The following CCT2 variants were observed in gnomAD, a reference collection of about 807,000 sequenced individuals.
CCT2 encodes T-complex protein 1 subunit beta.
CCT2 carries 18 observed loss-of-function variants against 61.8 expected under a neutral mutation model. The observed-to-expected ratio is 0.29, with a 90% CI of 0.20 to 0.43. The LOEUF (loss-of-function observed/expected upper bound fraction) is 0.43. Ranked by LOEUF, CCT2 falls within the 20% of genes least tolerant of loss-of-function variation. The pLI is 1.00. For synonymous variants in CCT2, 248 were observed against 215.9 expected, an observed-to-expected ratio of 1.15 and a Z score of -1.30; for missense variants, 556 against 656.9, an observed-to-expected ratio of 0.85 and a Z score of 1.68.
intron 5 of CCT2, 46 bp downstream of exon 5, chr12:69,588,052 A>G (rs1881716259): frequency 1.9e-6 from 3 of 1,545,322 alleles, no homozygotes; most frequent in Non-Finnish European, 8.9e-7. Context: ...GTTTTTGAGT[A>G]TCAGAGGTAA....
At position 69,589,503 on chromosome 12, in the gene CCT2, C is replaced by T; in HGVS notation, c.465C>T (p.Phe155=). The T allele has an allele frequency of 6.2e-7, 1 of 1,613,788 alleles. No homozygotes were observed. Among genetic ancestry groups the T allele is most frequent in the African/African-American group, 1.3e-5 (1 of 74,988 alleles). ...AVDHGSDEVK[F]RQDLMNIAGT... is the part of the protein sequence containing the mutation. ...TATTTAGTTCCGATGAAGTTAAATT[C>T]CGTCAAGATTTAATGAATATTGCGG... The change falls in exon 7 of 16, where the codon TTC becomes TTT. Residue 155 remains phenylalanine (F), a synonymous_variant. Transcript: ENST00000299300.
In CCT2 at chr12:69,601,555, A is replaced by C; in HGVS notation, c.*230A>C. The C allele has an allele frequency of 7.5e-7, 1 of 1,328,790 alleles. No individual in the cohort carries two copies. The highest frequency in any genetic ancestry group is 9.8e-7 in the Non-Finnish European group (1 of 1,025,064). The allele number at this position is 1,328,790 out of a possible 1,614,324, so 82.3% of individuals were successfully genotyped here. The stretch of plus-strand genomic sequence containing the variant: ...ATTTCTCATACTGTGCATTAAAATA[A>C]AAATTTGAACAATTACTTGGTTCTT... On this transcript the variant is annotated 3_prime_UTR_variant, in exon 16 of 16. Transcript: ENST00000299300.
Position 69,585,821 on chromosome 12 carries a change from G to C in CCT2, c.3+297G>C, listed in dbSNP as rs999558723. 2.1e-4 allele frequency: 279 copies of C among 1,340,992 alleles called. 1 individual carries two copies. The highest frequency in any genetic ancestry group is 2.6e-4 in the Non-Finnish European group (268 of 1,045,024). The allele number at this position is 1,340,992 out of a possible 1,614,324, so 83.1% of individuals were successfully genotyped here. On this transcript the variant is annotated intron_variant, in intron 1 of 15. Transcript: ENST00000299300. ...CGAAGAAATTTCTAGTGTGGGACCC[G>C]CTCCGCCCTCCTTCTAGGGGCGGAG...
intron 13 of CCT2, 89 bp downstream of exon 13, chr12:69,598,160 C>G (rs1882045840): frequency 9.4e-7 from 1 of 1,061,026 alleles, no homozygotes. Context: ...GTTAATACTG[C>G]TTTTAAATTT....
intron 15 of CCT2, 96 bp from the exon 16 acceptor site, chr12:69,601,199 A>G (rs963402258): frequency 7.0e-6 from 7 of 1,005,884 alleles, no homozygotes; most frequent in Non-Finnish European, 8.9e-6. Context: ...TAACAGTTTT[A>G]ATACAGGATT....
chr12:69,597,368 T>G, intron 11 of CCT2, 93 bp downstream of exon 11: 1 of 1,426,798 alleles, frequency 7.0e-7, no homozygotes, highest in Non-Finnish European at 9.7e-7. Flanking sequence ...ATAGCATATC[T>G]TACAAGTCTT....
At chr12:69,599,711 C>G in intron 14 of CCT2, 152 bp from the exon 15 acceptor site, 3 of 516,892 alleles carry the variant, frequency 5.8e-6, no homozygotes, top group South Asian at 3.6e-5. Flanking sequence ...TAAAGGCTTT[C>G]TTTGAGCTCA....
At chr12:69,585,887 C>T (rs1473766319) in intron 1 of CCT2, 2 of 1,279,208 alleles carry the variant, frequency 1.6e-6, no homozygotes, top group African/African-American at 1.5e-5. Flanking sequence ...GGTGGAGGGG[C>T]CGCAGCCTTC....
At chr12:69,585,705 C>T (rs1346221754) in intron 1 of CCT2, 181 bp downstream of exon 1, 4 of 1,490,772 alleles carry the variant, frequency 2.7e-6, no homozygotes, top group Admixed American at 2.2e-5. Flanking sequence ...GAGCTCACCA[C>T]GAGGGGGAGG....
chr12:69,595,131 A>G (rs1030903875), intron 10 of CCT2, among the ~76,000 whole-genome samples: 15 of 152,134 alleles, frequency 9.9e-5, no homozygotes, highest in African/African-American at 3.6e-4. Context: ...AACTGCCATG[A>G]ATATTAGAAG....
chr12:69,589,759 T>A, intron 7 of CCT2, 72 bp downstream of exon 7: 1 of 1,192,862 alleles, frequency 8.4e-7, no homozygotes, highest in Non-Finnish European at 1.2e-6. Flanking sequence ...AATTCTGTTT[T>A]GAGACCAGTG....
chr12:69,597,515 G>T, intron 11 of CCT2, 123 bp from the exon 12 acceptor site: 3 of 1,118,002 alleles, frequency 2.7e-6, no homozygotes, highest in Non-Finnish European at 3.8e-6. Context: ...CTTGATTGTT[G>T]GAGAATGTAT....
In CCT2 at chr12:69,601,547, T is replaced by C; in HGVS notation, c.*222T>C. 7.4e-7 allele frequency: 1 copy of C among 1,345,080 alleles called. No homozygotes were observed. The highest frequency in any genetic ancestry group is 2.7e-5 in the East Asian group (1 of 36,672). 83.3% of individuals were successfully genotyped at this position (1,345,080 alleles called of 1,614,324 possible). On this transcript the variant is annotated 3_prime_UTR_variant, in exon 16 of 16. Transcript: ENST00000299300. ...AAAAGTTCATTTCTCATACTGTGCA[T>C]TAAAATAAAAATTTGAACAATTACT...
In CCT2 at chr12:69,589,372, T is replaced by C. The variant is rs1881766778; in HGVS notation, c.447-113T>C. On this transcript the variant is annotated intron_variant, in intron 6 of 15. Coordinates refer to ENST00000299300, the MANE Select transcript of CCT2 (RefSeq NM_006431.3). ...TACTGCTGAGGTTTAATTCTTTTCA[T>C]ATAGCTTACAGACTTGATCAGTTAG... The C allele has an allele frequency of 7.1e-6, 5 of 700,458 alleles. No homozygotes were observed. In the South Asian group the frequency reaches 7.3e-5, roughly 10 times the overall value. 43.4% of individuals were successfully genotyped at this position (700,458 alleles called of 1,614,324 possible).
intron 10 of CCT2, among the ~76,000 whole-genome samples, chr12:69,594,938 A>G (rs1238801618): frequency 2.0e-5 from 3 of 152,226 alleles, no homozygotes; most frequent in Middle Eastern, 3.4e-3. Flanking sequence ...ATTTAGGGAT[A>G]TAAGTATAGT....
At chr12:69,589,799 T>A in intron 7 of CCT2, 112 bp downstream of exon 7, 1 of 819,386 alleles carries the variant, frequency 1.2e-6, no homozygotes, top group Non-Finnish European at 2.0e-6. Flanking sequence ...AACTTGAATT[T>A]AAGGACATAT....
chr12:69,595,335 CAAAT>C (rs376916608), intron 10 of CCT2, among the ~76,000 whole-genome samples: 236 of 152,194 alleles, frequency 1.6e-3, no homozygotes, highest in East Asian at 3.5e-3. Flanking sequence ...TTTAAGGTGA[CAAAT>C]AAACACAATT....
chr12:69,586,680 AAG>A, intron 2 of CCT2, 71 bp from the exon 3 acceptor site: 1 of 1,177,282 alleles, frequency 8.5e-7, no homozygotes, highest in Non-Finnish European at 1.2e-6. Context: ...AAAAAAAAAA[AAG>A]TAAATAAAGA....
At chr12:69,589,891 A>G (rs1881783432) in intron 7 of CCT2, 10 of 578,096 alleles carry the variant, frequency 1.7e-5, no homozygotes, top group South Asian at 1.7e-4. Flanking sequence ...TGATCTCTAG[A>G]GTTTACTTAA....
Sources: allele counts gnomAD v4.1 joint callset (sites outside exome capture counted in the v4.1 genomes callset), GRCh38; gene constraint gnomAD v4.1.1; transcripts MANE v1.5; gene names NCBI Gene and HGNC (gene_info 2026-07-23, HGNC 2026-07-21).